Variants in WDR37 observed in about 807,000 individuals in gnomAD.
WDR37 encodes WD repeat domain 37, also known as WD repeat-containing protein 37.
In WDR37, 19 loss-of-function variants were observed where a neutral mutation model predicts 62.9. That is an observed-to-expected ratio of 0.30 (90% CI 0.21 to 0.44). The LOEUF is 0.44. Ranked by LOEUF, WDR37 falls within the 20% of genes least tolerant of loss-of-function variation. The probability of loss-of-function intolerance (pLI) is 1.00; values close to 1 mark genes in which losing one functional copy is unlikely to be tolerated. For synonymous variants in WDR37, 250 were observed against 260.9 expected (o/e 0.96, Z 0.40); for missense variants, 474 against 657.6 (o/e 0.72, Z 3.05).
intron 8 of WDR37, 73 bp downstream of exon 8, chr10:1,093,569 T>C (rs1038167949): frequency 8.0e-5 from 100 of 1,244,816 alleles, no homozygotes; most frequent in Non-Finnish European, 1.0e-4. Context: ...TCCTTTCTTA[T>C]CGTAGCAGAA....
At chr10:1,074,438 C>T (rs532892865) in intron 2 of WDR37, 59 of 1,304,276 alleles carry the variant, frequency 4.5e-5, no homozygotes, top group Non-Finnish European at 4.7e-5. Flanking sequence ...GTGTCTCCCA[C>T]GCTCGCTCCC....
At position 1,072,222 on chromosome 10, in the gene WDR37, C is replaced by T; in HGVS notation, c.67C>T (p.Leu23Phe). 6.2e-7 allele frequency: 1 copy of T among 1,614,198 alleles called. No individual in the cohort carries two copies. The highest frequency in any genetic ancestry group is 1.1e-5 in the South Asian group (1 of 91,084). The part of the protein sequence containing the change: ...QTKQKRKSHS[L>F]SIRRTNSSEQ... ...AAAACAGAAGCGCAAATCCCATAGCCTTTCTATACGAAGAACTAACAGCTC... is the reference window on the plus strand; with the variant it reads ...AAAACAGAAGCGCAAATCCCATAGCTTTTCTATACGAAGAACTAACAGCTC... Residue 23 changes from leucine (L) to phenylalanine (F), a missense_variant, in exon 2 of 14, where the codon CTT (leucine) becomes TTT (phenylalanine). Transcript: ENST00000263150.
chr10:1,097,030 A>C (rs1022034829), intron 9 of WDR37, among the ~76,000 whole-genome samples: 7 of 152,238 alleles, frequency 4.6e-5, no homozygotes, highest in Non-Finnish European at 5.9e-5. Flanking sequence ...CCTCATTACA[A>C]AATGGCTGAG....
chr10:1,075,967 A>T (rs1479041531), intron 2 of WDR37, among the ~76,000 whole-genome samples: 1 of 151,956 alleles, frequency 6.6e-6, no homozygotes, highest in South Asian at 2.1e-4. Context: ...TTTAGTAGAG[A>T]CGAAGTTTAA....
intron 13 of WDR37, among the ~76,000 whole-genome samples, chr10:1,125,703 C>T (rs1460637198): frequency 6.6e-6 from 1 of 152,160 alleles, no homozygotes; most frequent in Non-Finnish European, 1.5e-5. Context: ...TGTGGCCAGG[C>T]AGAAGCTGGG....
chr10:1,106,982 G>C (rs1175325472), intron 11 of WDR37, among the ~76,000 whole-genome samples: 1 of 152,190 alleles, frequency 6.6e-6, no homozygotes, highest in Non-Finnish European at 1.5e-5. Flanking sequence ...CCTGACATCA[G>C]GTCAGCGTTT....
Position 1,108,751 on chromosome 10 carries a change from C to T in WDR37, c.1103+3484C>T, listed in dbSNP as rs79759945. Among the ~76,000 whole-genome samples the T allele has an allele frequency of 3.0e-5, 4 of 135,242 alleles. No individual in the cohort carries two copies. The East Asian group carries it at 6.7e-4, about 23-fold the overall frequency. The allele number at this position is 135,242 out of a possible 152,430, so 88.7% of individuals were successfully genotyped here. A position where few individuals can be genotyped will look rare whatever the true frequency, so the allele number is the denominator to read the frequency against. ...TGGCTTCTGTGATGCCCCCCCCCCC[C>T]GTGGAACCTGCAGGGCCCTGAGTGC... is the stretch of plus-strand genomic sequence containing the variant. On this transcript the variant is annotated intron_variant, in intron 11 of 13. Transcript: ENST00000263150.
chr10:1,124,709 A>G (rs1564514062), intron 12 of WDR37, among the ~76,000 whole-genome samples: 1 of 150,706 alleles, frequency 6.6e-6, no homozygotes, highest in Non-Finnish European at 1.5e-5. Context: ...GTGTATGTGC[A>G]TGGGGTCTGT....
Position 1,125,868 on chromosome 10 carries a change from C to T in WDR37, c.1353+844C>T, listed in dbSNP as rs571893351. On this transcript the variant is annotated intron_variant, in intron 13 of 13. Transcript: ENST00000263150. ...GCTCCTTGCTAACTTCAGAAGACGG[C>T]GGAGGGAGTTTCTCGCTATGTGCTG... Among the ~76,000 whole-genome samples, 89 of 152,332 alleles carry T rather than the reference C, an allele frequency of 5.8e-4. No homozygotes were observed. The South Asian group carries it at 0.012, about 20-fold the overall frequency.
chr10:1,100,726 TTTC>T (rs1834765653), intron 9 of WDR37, among the ~76,000 whole-genome samples: 1 of 152,324 alleles, frequency 6.6e-6, no homozygotes, highest in Non-Finnish European at 1.5e-5. Context: ...CAGCCTTCTT[TTTC>T]TTCTTTGAGG....
At chr10:1,124,774 G>A in intron 12 of WDR37, 136 bp from the exon 13 acceptor site, 3 of 1,152,384 alleles carry the variant, frequency 2.6e-6, no homozygotes, top group Non-Finnish European at 3.7e-6. Context: ...CCGTAAGCAG[G>A]TGGTACACGC....
chr10:1,110,169 G>A (rs560392607), intron 11 of WDR37, among the ~76,000 whole-genome samples: 2 of 152,096 alleles, frequency 1.3e-5, no homozygotes, highest in Admixed American at 6.5e-5. Context: ...TTGCTGTGTC[G>A]GGGCGAGTCC....
chr10:1,089,827 G>C (rs2131637763), intron 7 of WDR37, among the ~76,000 whole-genome samples: 1 of 152,316 alleles, frequency 6.6e-6, no homozygotes, highest in African/African-American at 2.4e-5. Context: ...TTGTGGGTCT[G>C]TTCCTGTTTC....
intron 11 of WDR37, among the ~76,000 whole-genome samples, chr10:1,113,950 CTTTTTTTTTTTT>C (rs56654628): frequency 2.6e-5 from 2 of 76,200 alleles, no homozygotes; most frequent in East Asian, 4.8e-4. Flanking sequence ...GGTAAAATGC[CTTTTTTTTTTTT>C]TTTTTTTTTT....
At chr10:1,066,018 A>G (rs1833527538) in intron 1 of WDR37, among the ~76,000 whole-genome samples, 1 of 8,252 alleles carries the variant, frequency 1.2e-4, no homozygotes, top group African/African-American at 1.6e-4. Flanking sequence ...TATTTATACT[A>G]GCAATTAACG....
chr10:1,103,682 C>A lies in WDR37; in HGVS notation c.807C>A (p.Thr269=). 1 of 1,614,248 alleles carries A rather than the reference C, an allele frequency of 6.2e-7. No homozygotes were observed. Among genetic ancestry groups the A allele is most frequent in the Non-Finnish European group, 8.5e-7 (1 of 1,180,044 alleles). ...GGGATGTGTCCAGCGACTGCCCCAC[C>A]ATCCGCGTCCCACTGACATCCCTCA... ...LDGDVSSDCP[T]IRVPLTSLKS... The change falls in exon 10 of 14, where the codon ACC becomes ACA. Residue 269 remains threonine (T), a synonymous_variant. Coordinates refer to ENST00000263150, the MANE Select transcript of WDR37 (RefSeq NM_014023.4). The surrounding 1 kb of genome is among the most constrained non-coding windows in gnomAD (Gnocchi z 6.3).
intron 11 of WDR37, among the ~76,000 whole-genome samples, chr10:1,116,313 T>C (rs898457765): frequency 6.6e-6 from 1 of 151,752 alleles, no homozygotes; most frequent in Non-Finnish European, 1.5e-5. Flanking sequence ...AGTCCTCCCG[T>C]CACCCACCCC....
chr10:1,094,563 C>T (rs1396753916), intron 8 of WDR37, among the ~76,000 whole-genome samples: 2 of 152,066 alleles, frequency 1.3e-5, no homozygotes, highest in Non-Finnish European at 2.9e-5. Context: ...TGGATGAAGA[C>T]TAAAGCAGAC....
chr10:1,076,236 CGT>C (rs1023070034), intron 2 of WDR37, among the ~76,000 whole-genome samples: 24 of 150,902 alleles, frequency 1.6e-4, no homozygotes, highest in Admixed American at 5.3e-4. Context: ...TGTGGGTGTG[CGT>C]GTGTGTGTGT....
Sources: allele counts gnomAD v4.1 joint callset (sites outside exome capture counted in the v4.1 genomes callset), GRCh38; gene constraint gnomAD v4.1.1; non-coding constraint Gnocchi (gnomAD v3.1); transcripts MANE v1.5; gene names NCBI Gene and HGNC (gene_info 2026-07-23, HGNC 2026-07-21).